Variants in PHF6 observed in about 807,000 individuals in gnomAD.
PHF6 encodes PHD finger protein 6.
A neutral mutation model predicts 34.0 loss-of-function variants in PHF6; 7 were observed. The ratio of observed to expected loss-of-function variants is 0.21; its 90% confidence interval spans 0.12 to 0.39. The LOEUF is 0.39. PHF6 is among the 10% of genes least tolerant of loss of function. The pLI, the probability that PHF6 is intolerant of heterozygous loss-of-function variation, is 1.00. For missense variants in PHF6, 128 were observed against 262.8 expected (o/e 0.49, Z 3.55); for synonymous variants, 89 against 88.4 (o/e 1.01, Z -0.04).
intron 9 of PHF6, chrX:134,417,549 T>C: frequency 3.1e-6 from 1 of 319,966 alleles, no homozygotes; most frequent in African/African-American, 2.6e-5. Flanking sequence ...AAGCTGGGCA[T>C]ATGCCAGTGA....
At chrX:134,378,226 CTTT>C in intron 3 of PHF6, 120 bp downstream of exon 3, 2 of 328,477 alleles carry the variant, frequency 6.1e-6, no homozygotes, top group Non-Finnish European at 9.9e-6. Flanking sequence ...GCAGGCTTTT[CTTT>C]TTTTTTTTCT....
intron 5 of PHF6, among the ~76,000 whole-genome samples, chrX:134,396,819 C>T (rs1351208711): frequency 9.4e-6 from 1 of 106,699 alleles, no homozygotes; most frequent in African/African-American, 3.4e-5. Flanking sequence ...CCTTTACGAT[C>T]ATGGTTTATG....
chrX:134,422,808 C>T (rs1232419930), intron 9 of PHF6, among the ~76,000 whole-genome samples: 1 of 111,332 alleles, frequency 9.0e-6, no homozygotes, highest in Non-Finnish European at 1.9e-5. Context: ...AACCTTAGCA[C>T]CTAGACTAGT....
chrX:134,416,976 A>G (rs1203259299), intron 8 of PHF6, among the ~76,000 whole-genome samples, 193 bp from the exon 9 acceptor site: 1 of 112,305 alleles, frequency 8.9e-6, no homozygotes, highest in Non-Finnish European at 1.9e-5. Flanking sequence ...CTAATAAGCC[A>G]GCAGTTTATA....
rs753683733 is a variant in PHF6 at position 134,393,449 on chromosome X, A to G, written c.241-52A>G. The stretch of plus-strand genomic sequence containing the variant: ...AATTGATATGCCTCTAATCTGATAT[A>G]CAGCCTTAGAAAGTCACATACTAAT... On this transcript the variant is annotated intron_variant, in intron 3 of 10. Transcript: ENST00000370803. The G allele has an allele frequency of 1.1e-4, 124 of 1,178,555 alleles. No individual in the cohort carries two copies. The East Asian group carries it at 3.7e-3, about 35-fold the overall frequency.
Position 134,426,107 on chromosome X carries a change from C to G in PHF6, c.*447C>G, listed in dbSNP as rs1252745393. On this transcript the variant is annotated 3_prime_UTR_variant, in exon 11 of 11. Coordinates refer to ENST00000370803, the MANE Select transcript of PHF6 (RefSeq NM_001015877.2). ...AATTTGTGGATTTTTTTTTCATACT[C>G]AAGTAATGGAGGCTAGAAATGAAGA... 2 of 158,280 alleles carry G rather than the reference C, an allele frequency of 1.3e-5. No individual in the cohort carries two copies. The highest frequency in any genetic ancestry group is 8.3e-5 in the Admixed American group (1 of 11,991). 13.0% of individuals were successfully genotyped at this position (158,280 alleles called of 1,213,427 possible).
At chrX:134,411,024 C>G (rs1028700138) in intron 5 of PHF6, among the ~76,000 whole-genome samples, 68 of 107,037 alleles carry the variant, frequency 6.4e-4, no homozygotes, top group Non-Finnish European at 1.2e-3. Context: ...GCGATCTGGG[C>G]TTACTGCAAG....
At chrX:134,385,085 T>A (rs1049584938) in intron 3 of PHF6, among the ~76,000 whole-genome samples, 1 of 112,000 alleles carries the variant, frequency 8.9e-6, no homozygotes, top group Admixed American at 9.4e-5. Flanking sequence ...CATGATTTCT[T>A]ACTGCATACA....
chrX:134,374,401 C>G (rs1168327174), intron 1 of PHF6, among the ~76,000 whole-genome samples: 2 of 112,153 alleles, frequency 1.8e-5, no homozygotes. Flanking sequence ...AAAAGCAGTG[C>G]GAAGCATGTA....
At chrX:134,378,628 C>G (rs17000600) in intron 3 of PHF6, among the ~76,000 whole-genome samples, 1 of 112,234 alleles carries the variant, frequency 8.9e-6, no homozygotes, top group Admixed American at 9.4e-5. Flanking sequence ...TCTGAAGCTG[C>G]GTTAGAGTAA....
intron 3 of PHF6, among the ~76,000 whole-genome samples, chrX:134,382,569 T>C (rs771777765): frequency 1.2e-3 from 120 of 103,949 alleles, no homozygotes; most frequent in African/African-American, 2.8e-3. Flanking sequence ...TATTCTTCTT[T>C]TTTTTTTTTT....
chrX:134,391,217 G>T (rs1286386452), intron 3 of PHF6, among the ~76,000 whole-genome samples: 4 of 110,474 alleles, frequency 3.6e-5, no homozygotes, highest in Non-Finnish European at 7.6e-5. Context: ...CAGGTGATGC[G>T]CCCGTCTCAG....
chrX:134,393,646 ACTTCT>A lies in PHF6; in HGVS notation c.374+16_374+20del, dbSNP rs749046225. 4.0e-5 allele frequency: 47 copies of A among 1,186,971 alleles called. No homozygotes were observed. The East Asian group carries it at 1.0e-3, about 26-fold the overall frequency. ...CAAGGAATTTACATGTAATTATTTA[ACTTCT>A]CTTTAAGTTTTTTTTTTAACAATAA... On this transcript the variant is annotated intron_variant, in intron 4 of 10. Coordinates refer to ENST00000370803, the MANE Select transcript of PHF6 (RefSeq NM_001015877.2).
At chrX:134,419,750 C>T (rs1329418046) in intron 9 of PHF6, 1 of 111,508 alleles carries the variant, frequency 9.0e-6, no homozygotes, top group African/African-American at 3.3e-5. Context: ...ACTTTTCTGA[C>T]TCCCCAGGTG....
At position 134,393,898 on chromosome X, in the gene PHF6, A is replaced by G. The variant is rs1309338962; in HGVS notation, c.375-11A>G. ...TTGCTTACTAATTTTTGATTTCTTC[A>G]TTTTTTATAGGGTCTATTGCCGAAA... On this transcript the variant is annotated splice_polypyrimidine_tract_variant and intron_variant, in intron 4 of 10. Transcript: ENST00000370803. 1.7e-6 allele frequency: 2 copies of G among 1,203,536 alleles called. No individual in the cohort carries two copies. The highest frequency in any genetic ancestry group is 1.1e-6 in the Non-Finnish European group (1 of 890,484).
chrX:134,414,155 T>G (rs193256203), intron 7 of PHF6, among the ~76,000 whole-genome samples, 189 bp downstream of exon 7: 13 of 111,454 alleles, frequency 1.2e-4, no homozygotes, highest in Admixed American at 1.2e-3. Flanking sequence ...AATCTTAAGT[T>G]TAGATTTTGT....
intron 9 of PHF6, chrX:134,420,468 T>G (rs1190590809): frequency 9.1e-6 from 1 of 110,417 alleles, no homozygotes; most frequent in Non-Finnish European, 1.9e-5. Flanking sequence ...AGATGACTTT[T>G]AAAAAACAAT....
At chrX:134,391,031 A>G (rs1253676156) in intron 3 of PHF6, among the ~76,000 whole-genome samples, 1 of 99,893 alleles carries the variant, frequency 1.0e-5, no homozygotes, top group Non-Finnish European at 2.0e-5. Context: ...CTGGAGTGCA[A>G]TGGTACAATC....
intron 3 of PHF6, among the ~76,000 whole-genome samples, chrX:134,386,919 AAAAC>A (rs1273273754): frequency 8.9e-6 from 1 of 111,944 alleles, no homozygotes; most frequent in Non-Finnish European, 1.9e-5. Flanking sequence ...TTTTGTAAAT[AAAAC>A]AAAGTTTGTA....
Sources: gnomAD v4.1 joint callset for allele counts (sites outside exome capture counted in the v4.1 genomes callset) on GRCh38, gnomAD v4.1.1 for gene constraint, MANE v1.5 for transcripts, NCBI Gene and HGNC (gene_info 2026-07-23, HGNC 2026-07-21) for gene names.